The following DAB1 variants were observed in gnomAD, a reference collection of about 807,000 sequenced individuals.
DAB1 encodes the protein DAB adaptor protein 1.
DAB1 carries 15 observed loss-of-function variants against 64.6 expected under a neutral mutation model. The ratio of observed to expected loss-of-function variants is 0.23; its 90% confidence interval spans 0.16 to 0.36. DAB1 has a LOEUF of 0.36. Among genes scored for constraint, DAB1 ranks in the 10% least tolerant of loss-of-function variants. DAB1 has a pLI of 1.00. For missense variants in DAB1, 596 were observed against 706.7 expected (o/e 0.84, Z 1.78); for synonymous variants, 235 against 251.9 (o/e 0.93, Z 0.64).
At chr1:58,095,222 A>G (rs1187304541) in intron 5 of DAB1, among the ~76,000 whole-genome samples, 1 of 152,196 alleles carries the variant, frequency 6.6e-6, no homozygotes, top group Non-Finnish European at 1.5e-5. Flanking sequence ...TATATGACTA[A>G]ACAAACTCTT....
At chr1:57,529,721 A>T (rs1644638389) in intron 7 of DAB1, among the ~76,000 whole-genome samples, 1 of 152,184 alleles carries the variant, frequency 6.6e-6, no homozygotes, top group South Asian at 2.1e-4. Context: ...AAAACCAGAC[A>T]AATCATGGAG....
At chr1:57,080,329 T>C (rs1652380764) in intron 4 of DAB1, among the ~76,000 whole-genome samples, 1 of 152,156 alleles carries the variant, frequency 6.6e-6, no homozygotes, top group Admixed American at 6.6e-5. Flanking sequence ...TGTGTCCAGG[T>C]CTCTCTCTGA....
rs1476785174 is a variant in DAB1 at position 58,417,506 on chromosome 1, C to T, written n.258-74103G>A. Among the ~76,000 whole-genome samples, 4 of 152,096 alleles carry T rather than the reference C, an allele frequency of 2.6e-5. No homozygotes were observed. In the East Asian group the frequency reaches 7.7e-4, roughly 29 times the overall value. ...GAGGATGGGAGGGCATGTTGATTGA[C>T]AGACCCAGCAAGAGGCAATATCCAG... On this transcript the variant is annotated intron_variant and non_coding_transcript_variant, in intron 3 of 20. Transcript: ENST00000485760.
intron 5 of DAB1, among the ~76,000 whole-genome samples, chr1:58,017,592 T>TCC (rs1410142358): frequency 6.6e-6 from 1 of 152,168 alleles, no homozygotes; most frequent in Non-Finnish European, 1.5e-5. Context: ...GGGTTCAAAT[T>TCC]CTGCTGCCAC....
At chr1:57,022,531 C>G (rs1646654049) in intron 11 of DAB1, among the ~76,000 whole-genome samples, 1 of 152,228 alleles carries the variant, frequency 6.6e-6, no homozygotes. Flanking sequence ...TCCCTTAGCT[C>G]ATGAGTAATA....
chr1:58,085,570 G>A (rs1424897760), intron 5 of DAB1, among the ~76,000 whole-genome samples: 1 of 151,882 alleles, frequency 6.6e-6, no homozygotes, highest in East Asian at 1.9e-4. Flanking sequence ...GCCTCACTAT[G>A]TTGCCCAGGC....
At chr1:57,400,543 A>G (rs1211231171) in intron 1 of DAB1, among the ~76,000 whole-genome samples, 1 of 151,740 alleles carries the variant, frequency 6.6e-6, no homozygotes, top group Non-Finnish European at 1.5e-5. Context: ...ACTACTTGCC[A>G]GTATCAGTCT....
At chr1:58,207,354 T>C (rs545409009) in intron 4 of DAB1, among the ~76,000 whole-genome samples, 2 of 152,310 alleles carry the variant, frequency 1.3e-5, no homozygotes, top group African/African-American at 4.8e-5. Flanking sequence ...AAAACATCTA[T>C]GCATGGTTGG....
intron 4 of DAB1, among the ~76,000 whole-genome samples, chr1:58,265,997 T>C (rs1569581835): frequency 1.3e-5 from 2 of 151,696 alleles, no homozygotes; most frequent in African/African-American, 4.8e-5. Context: ...CTTCAATTTA[T>C]AGGAATTTTT....
chr1:58,092,607 C>T (rs1461128542), intron 5 of DAB1, among the ~76,000 whole-genome samples: 2 of 152,174 alleles, frequency 1.3e-5, no homozygotes, highest in Non-Finnish European at 2.9e-5. Flanking sequence ...GTATCACATG[C>T]CTTTCTTAAT....
At chr1:58,265,612 C>T (rs1348465332) in intron 4 of DAB1, among the ~76,000 whole-genome samples, 1 of 152,094 alleles carries the variant, frequency 6.6e-6, no homozygotes, top group Non-Finnish European at 1.5e-5. Flanking sequence ...TTAATCAATT[C>T]TGTTTATGGC....
intron 11 of DAB1, among the ~76,000 whole-genome samples, chr1:57,020,522 C>T (rs541256156): frequency 2.6e-5 from 4 of 151,968 alleles, no homozygotes; most frequent in African/African-American, 9.7e-5. Context: ...GTACATTCTC[C>T]AGGCCACCCA....
chr1:58,109,897 G>A lies in DAB1; in HGVS notation n.387+40614C>T, dbSNP rs545203552. On this transcript the variant is annotated intron_variant and non_coding_transcript_variant, in intron 5 of 20. Coordinates refer to the DAB1 transcript ENST00000485760. ...CCACTGCCCCCACTCCATGTCTGAAGCCTTCTCCCTAGTAATCCTTCTCTC... is the reference window on the plus strand; with the variant it reads ...CCACTGCCCCCACTCCATGTCTGAAACCTTCTCCCTAGTAATCCTTCTCTC... Among the ~76,000 whole-genome samples the A allele has an allele frequency of 2.0e-5, 3 of 152,070 alleles. 1 individual carries two copies. The South Asian group carries it at 6.3e-4, about 32-fold the overall frequency.
chr1:58,333,167 G>A (rs1663015097), intron 4 of DAB1, among the ~76,000 whole-genome samples: 1 of 152,106 alleles, frequency 6.6e-6, no homozygotes, highest in African/African-American at 2.4e-5. Flanking sequence ...CTGCGGAGAG[G>A]GGAATTGAAG....
chr1:58,241,901 C>G (rs1196534050), intron 4 of DAB1, among the ~76,000 whole-genome samples: 2 of 151,988 alleles, frequency 1.3e-5, no homozygotes, highest in East Asian at 3.9e-4. Context: ...CTTTAGAAAA[C>G]AATATGGCAT....
At chr1:57,859,111 G>C (rs1012132757) in intron 1 of DAB1, among the ~76,000 whole-genome samples, 6 of 152,086 alleles carry the variant, frequency 3.9e-5, no homozygotes, top group South Asian at 2.1e-4. Flanking sequence ...CTAAGCAGCC[G>C]AGATGGCTTT....
intron 9 of DAB1, among the ~76,000 whole-genome samples, chr1:57,035,962 C>T (rs1339800504): frequency 1.3e-5 from 2 of 150,372 alleles, no homozygotes; most frequent in Non-Finnish European, 3.0e-5. Flanking sequence ...CCTGCCTCAG[C>T]CTCCCGAGTA....
In DAB1 at chr1:57,553,387, A is replaced by AGAAAGAAAGG. The variant is rs1644938869; in HGVS notation, n.625+96204_625+96205insCCTTTCTTTC. 7.7e-4 allele frequency among the ~76,000 whole-genome samples: 2 copies of AGAAAGAAAGG among 2,614 alleles called. 1 individual carries two copies. Among genetic ancestry groups the AGAAAGAAAGG allele is most frequent in the Non-Finnish European group, 4.0e-3 (2 of 500 alleles). 1.7% of individuals were successfully genotyped at this position (2,614 alleles called of 152,430 possible). The stretch of plus-strand genomic sequence containing the variant: ...AGAGAAGGAAGGAAGGAAGAAAGAG[A>AGAAAGAAAGG]AAGAAAGAAAGAAAGAAAGAAAGAA... On this transcript the variant is annotated intron_variant and non_coding_transcript_variant, in intron 7 of 20. Transcript: ENST00000485760.
chr1:57,892,232 C>G (rs1644326281), intron 5 of DAB1, among the ~76,000 whole-genome samples: 1 of 152,150 alleles, frequency 6.6e-6, no homozygotes, highest in Non-Finnish European at 1.5e-5. Flanking sequence ...TTCTGCAGGA[C>G]CTATCAATCA....
Sources: gnomAD v4.1 joint callset for allele counts (sites outside exome capture counted in the v4.1 genomes callset) on GRCh38, gnomAD v4.1.1 for gene constraint, MANE v1.5 for transcripts, NCBI Gene and HGNC (gene_info 2026-07-23, HGNC 2026-07-21) for gene names.